Variants in UBE2H observed in about 807,000 individuals in gnomAD.
UBE2H encodes the protein ubiquitin conjugating enzyme E2 H.
In UBE2H, 3 loss-of-function variants were observed where a neutral mutation model predicts 29.0. That is an observed-to-expected ratio of 0.10 (90% confidence interval 0.05 to 0.27). The LOEUF is 0.27. Ranked by LOEUF, UBE2H falls within the 10% of genes least tolerant of loss-of-function variation. The pLI, the probability that UBE2H is intolerant of heterozygous loss-of-function variation, is 1.00. For synonymous variants in UBE2H, 69 were observed against 82.9 expected, an observed-to-expected ratio of 0.83 and a Z score of 0.91; for missense variants, 68 against 228.2, an observed-to-expected ratio of 0.30 and a Z score of 4.52.
rs1310645223 is a variant in UBE2H at position 129,933,794 on chromosome 7, G to A, written c.53+18709C>T. Among the ~76,000 whole-genome samples, 3 of 152,084 alleles carry A rather than the reference G, an allele frequency of 2.0e-5. No homozygotes were observed. The East Asian group carries it at 5.8e-4, about 29-fold the overall frequency. ...AGTAGTATATAATTTATTCTAATCCGTTTAACAGGTGTTTGCTGAGCATCT... is the reference window on the plus strand; with the variant it reads ...AGTAGTATATAATTTATTCTAATCCATTTAACAGGTGTTTGCTGAGCATCT... On this transcript the variant is annotated intron_variant, in intron 1 of 6. Transcript: ENST00000355621.
intron 1 of UBE2H, among the ~76,000 whole-genome samples, chr7:129,948,322 C>T (rs1165653087): frequency 1.3e-5 from 2 of 152,154 alleles, no homozygotes; most frequent in African/African-American, 4.8e-5. Flanking sequence ...CACTTGGCCA[C>T]ATCTGAGGTT....
At chr7:129,869,524 C>T (rs1255262692) in intron 3 of UBE2H, among the ~76,000 whole-genome samples, 3 of 152,136 alleles carry the variant, frequency 2.0e-5, no homozygotes, top group African/African-American at 7.2e-5. Context: ...GATTTAAGAG[C>T]CATCACCATC....
At chr7:129,867,731 A>AGAAAAAC (rs1805941431) in intron 3 of UBE2H, among the ~76,000 whole-genome samples, 1 of 133,450 alleles carries the variant, frequency 7.5e-6, no homozygotes. Context: ...AACCAAAAAA[A>AGAAAAAC]AAAAAAAAAA....
At chr7:129,949,082 T>C (rs1807823919) in intron 1 of UBE2H, 1 of 455,638 alleles carries the variant, frequency 2.2e-6, no homozygotes, top group Non-Finnish European at 4.4e-6. Context: ...AACAAGCAGC[T>C]CTAGCCTTCA....
chr7:129,872,996 T>C (rs1806072978), intron 3 of UBE2H, among the ~76,000 whole-genome samples: 1 of 151,530 alleles, frequency 6.6e-6, no homozygotes, highest in African/African-American at 2.4e-5. Context: ...GACCCAATTT[T>C]AAAGGCCATT....
chr7:129,863,373 A>G (rs1805836978), intron 3 of UBE2H, among the ~76,000 whole-genome samples: 1 of 152,194 alleles, frequency 6.6e-6, no homozygotes, highest in Admixed American at 6.5e-5. Flanking sequence ...AATCAACTGC[A>G]GGCCCTGGGC....
chr7:129,893,100 A>G (rs1427777150), intron 1 of UBE2H, among the ~76,000 whole-genome samples: 1 of 152,200 alleles, frequency 6.6e-6, no homozygotes, highest in African/African-American at 2.4e-5. Flanking sequence ...AGAGTAACAT[A>G]CAGTTTTAAA....
intron 1 of UBE2H, among the ~76,000 whole-genome samples, chr7:129,914,359 G>A (rs1205135460): frequency 6.6e-6 from 1 of 152,032 alleles, no homozygotes; most frequent in East Asian, 1.9e-4. Flanking sequence ...TAGAGATGGG[G>A]TTTTGCCATG....
At chr7:129,869,623 C>T (rs1255406725) in intron 3 of UBE2H, among the ~76,000 whole-genome samples, 1 of 152,214 alleles carries the variant, frequency 6.6e-6, no homozygotes, top group African/African-American at 2.4e-5. Flanking sequence ...GCATCATTCA[C>T]ATTTGCTCAA....
In UBE2H at chr7:129,849,450, C is replaced by T. The variant is rs146301922; in HGVS notation, c.298+8061G>A. 7.7e-3 allele frequency among the ~76,000 whole-genome samples: 1,167 copies of T among 151,968 alleles called. 9 individuals are homozygous for T. The highest frequency in any genetic ancestry group is 0.012 in the Non-Finnish European group (849 of 67,964). On this transcript the variant is annotated intron_variant, in intron 5 of 6. Transcript: ENST00000355621. The stretch of plus-strand genomic sequence containing the variant: ...AAAATTAGTCGGGTTTGGTGGTGGG[C>T]GCCGGTAATCCCAGCTACTTGGGAG...
chr7:129,857,301 CA>C, intron 5 of UBE2H: 1 of 571,616 alleles, frequency 1.7e-6, no homozygotes, highest in South Asian at 2.5e-5. Flanking sequence ...TTTGGAATCT[CA>C]AAAAATCATT....
At chr7:129,849,225 C>T (rs1805565416) in intron 5 of UBE2H, among the ~76,000 whole-genome samples, 1 of 152,160 alleles carries the variant, frequency 6.6e-6, no homozygotes, top group South Asian at 2.1e-4. Flanking sequence ...TAAAACCAAT[C>T]GGATAGGCAG....
At chr7:129,880,428 C>T (rs1273624741) in intron 2 of UBE2H, among the ~76,000 whole-genome samples, 1 of 152,154 alleles carries the variant, frequency 6.6e-6, no homozygotes, top group Non-Finnish European at 1.5e-5. Flanking sequence ...ATTGCTTGAA[C>T]CCAGGAAGTG....
At position 129,834,831 on chromosome 7, in the gene UBE2H, C is replaced by G; in HGVS notation, c.*106G>C. On this transcript the variant is annotated 3_prime_UTR_variant, in exon 7 of 7. Transcript: ENST00000355621. Reference sequence around the variant, plus strand: ...ATATCAATGCTATTATTCATAAAAACCTTGTTTAGTAATAAAAAAAATTGC... The same window carrying G: ...ATATCAATGCTATTATTCATAAAAAGCTTGTTTAGTAATAAAAAAAATTGC... 3 of 1,348,934 alleles carry G rather than the reference C, an allele frequency of 2.2e-6. No homozygotes were observed. The highest frequency in any genetic ancestry group is 3.0e-6 in the Non-Finnish European group (3 of 997,322). 83.6% of individuals were successfully genotyped at this position (1,348,934 alleles called of 1,614,324 possible).
intron 1 of UBE2H, among the ~76,000 whole-genome samples, chr7:129,895,024 A>C (rs1806572544): frequency 6.6e-6 from 1 of 152,178 alleles, no homozygotes; most frequent in African/African-American, 2.4e-5. Flanking sequence ...TGTTTTAAAA[A>C]CTTTTTGGAA....
At chr7:129,908,919 CTTAAG>C (rs1257789198) in intron 1 of UBE2H, among the ~76,000 whole-genome samples, 1 of 152,154 alleles carries the variant, frequency 6.6e-6, no homozygotes, top group African/African-American at 2.4e-5. Context: ...AACTAACAGC[CTTAAG>C]TTTTGTTTCA....
At chr7:129,930,764 C>G (rs187754021) in intron 1 of UBE2H, among the ~76,000 whole-genome samples, 2,624 of 151,250 alleles carry the variant, frequency 0.017, 36 homozygotes, top group Non-Finnish European at 0.026. Context: ...AAAAATTAGC[C>G]GGGCATGGTG....
chr7:129,883,286 TGA>T (rs1806290863), intron 1 of UBE2H, among the ~76,000 whole-genome samples: 1 of 152,212 alleles, frequency 6.6e-6, no homozygotes, highest in Non-Finnish European at 1.5e-5. Context: ...ACACTGCTGG[TGA>T]GAGTGTGATA....
chr7:129,865,555 A>G (rs1805887575), intron 3 of UBE2H, among the ~76,000 whole-genome samples: 1 of 152,194 alleles, frequency 6.6e-6, no homozygotes, highest in South Asian at 2.1e-4. Context: ...AATCCACCCT[A>G]CGGTAAACGG....
Sources: allele counts gnomAD v4.1 joint callset (sites outside exome capture counted in the v4.1 genomes callset), GRCh38; gene constraint gnomAD v4.1.1; transcripts MANE v1.5; gene names NCBI Gene and HGNC (gene_info 2026-07-23, HGNC 2026-07-21).